Variants in NCAM1 observed in about 807,000 individuals in gnomAD.
NCAM1 encodes the protein antigen recognized by monoclonal antibody 5.1H11.
A neutral mutation model predicts 109.8 loss-of-function variants in NCAM1; 14 were observed. That is an observed-to-expected ratio of 0.13 (90% confidence interval 0.08 to 0.20). The LOEUF is 0.20. Ranked by LOEUF, NCAM1 falls within the 10% of genes least tolerant of loss-of-function variation. The pLI is 1.00. For synonymous variants in NCAM1, 418 were observed against 442.9 expected, an observed-to-expected ratio of 0.94 and a Z score of 0.70; for missense variants, 774 against 1,109.9, an observed-to-expected ratio of 0.70 and a Z score of 4.30.
chr11:113,273,278 G>T lies in NCAM1; in HGVS notation c.2456+1402G>T. 1 of 355,250 alleles carries T rather than the reference G, an allele frequency of 2.8e-6. No homozygotes were observed. The highest frequency in any genetic ancestry group is 5.6e-6 in the Non-Finnish European group (1 of 179,452). 22.0% of individuals were successfully genotyped at this position (355,250 alleles called of 1,614,324 possible). A position where few individuals can be genotyped will look rare whatever the true frequency, so the allele number is the denominator to read the frequency against. ...CTTCTAGTGTCCTGGCTAACCAAGG[G>T]GCTGTCCTCAGCCCAAGCGCCCCTG... is the stretch of plus-strand genomic sequence containing the variant. On this transcript the variant is annotated intron_variant, in intron 19 of 19. Transcript: ENST00000316851. This position sits in a 1 kb window ranked among gnomAD's most constrained non-coding sequence, Gnocchi z 6.0.
Position 113,277,311 on chromosome 11 carries a change from T to C in NCAM1, c.*1924T>C. The stretch of plus-strand genomic sequence containing the variant: ...CAAACTGTGAAGAATAATGGTCTTG[T>C]CATTTGCTCAATGTGGGGTTATGTT... On this transcript the variant is annotated 3_prime_UTR_variant, in exon 20 of 20. Transcript: ENST00000316851. The C allele has an allele frequency of 2.5e-6, 1 of 399,070 alleles. No homozygotes were observed. 24.7% of individuals were successfully genotyped at this position (399,070 alleles called of 1,614,324 possible). A position where few individuals can be genotyped will look rare whatever the true frequency, so the allele number is the denominator to read the frequency against.
At chr11:113,078,146 C>G (rs1938615835) in intron 1 of NCAM1, among the ~76,000 whole-genome samples, 1 of 152,106 alleles carries the variant, frequency 6.6e-6, no homozygotes, top group Admixed American at 6.5e-5. Flanking sequence ...GGACTGTGGT[C>G]CCTCTGAAGG....
intron 1 of NCAM1, among the ~76,000 whole-genome samples, chr11:113,031,807 A>G (rs2135350394): frequency 6.6e-6 from 1 of 152,380 alleles, no homozygotes; most frequent in South Asian, 2.1e-4. Flanking sequence ...CACTCTGCAC[A>G]TGACCAAGGA....
chr11:113,220,600 C>CTTT (rs1336984958), intron 8 of NCAM1, among the ~76,000 whole-genome samples: 2 of 102,376 alleles, frequency 2.0e-5, no homozygotes, highest in Non-Finnish European at 3.6e-5. Flanking sequence ...CTCTCTCTCT[C>CTTT]TCTTTTTTTT....
rs139520032 is a variant in NCAM1, at chr11:113,009,750, T to C, written c.52+48086T>C. Reference sequence around the variant, plus strand: ...AATGAGATCAGGGTCTTACAGATGTTTTGGGATTGTAGAAGATAAAGGGAG... The same window carrying C: ...AATGAGATCAGGGTCTTACAGATGTCTTGGGATTGTAGAAGATAAAGGGAG... On this transcript the variant is annotated intron_variant, in intron 1 of 19. Coordinates refer to ENST00000316851, the MANE Select transcript of NCAM1 (RefSeq NM_181351.5). Among the ~76,000 whole-genome samples, 418 of 152,274 alleles carry C rather than the reference T, an allele frequency of 2.7e-3. 2 individuals are homozygous for C. The highest frequency in any genetic ancestry group is 9.7e-3 in the African/African-American group (402 of 41,546).
intron 1 of NCAM1, among the ~76,000 whole-genome samples, chr11:113,070,379 A>G (rs1555085081): frequency 6.6e-6 from 1 of 152,162 alleles, no homozygotes; most frequent in African/African-American, 2.4e-5. Flanking sequence ...ATGCAGAAAC[A>G]TCATTCCTCC....
At chr11:113,179,174 A>G (rs908084627) in intron 1 of NCAM1, among the ~76,000 whole-genome samples, 1 of 152,204 alleles carries the variant, frequency 6.6e-6, no homozygotes, top group Non-Finnish European at 1.5e-5. Flanking sequence ...CCAGCATGCC[A>G]CTGGGCAGGA....
chr11:113,087,691 C>G (rs1939151707), intron 1 of NCAM1, among the ~76,000 whole-genome samples: 1 of 152,168 alleles, frequency 6.6e-6, no homozygotes, highest in Non-Finnish European at 1.5e-5. Context: ...TCAATTTGTT[C>G]TTCTTGATCA....
At chr11:113,003,977 C>T (rs1044494920) in intron 1 of NCAM1, 4 of 152,128 alleles carry the variant, frequency 2.6e-5, no homozygotes, top group African/African-American at 4.8e-5. Flanking sequence ...ATTTTAAGGA[C>T]GGTTGTCTTC....
At chr11:113,242,923 G>C in intron 14 of NCAM1, 3 of 1,608,754 alleles carry the variant, frequency 1.9e-6, no homozygotes, top group Non-Finnish European at 8.5e-7. Flanking sequence ...TTACAGCGCT[G>C]CCTGTTGTTT....
rs558440771 is a variant in NCAM1, at chr11:112,961,538, C to T, written c.-75C>T. ...GCCCCTAGGTCTGTCGCTCAGCCGCCGTCCACACTCGCTGCAGGGGGGGGG... is the reference window on the plus strand; with the variant it reads ...GCCCCTAGGTCTGTCGCTCAGCCGCTGTCCACACTCGCTGCAGGGGGGGGG... On this transcript the variant is annotated 5_prime_UTR_variant, in exon 1 of 20. Coordinates refer to ENST00000316851, the MANE Select transcript of NCAM1 (RefSeq NM_181351.5). 6.5e-5 allele frequency: 61 copies of T among 945,154 alleles called. No homozygotes were observed. The South Asian group carries it at 7.5e-4, about 12-fold the overall frequency. 58.5% of individuals were successfully genotyped at this position (945,154 alleles called of 1,614,324 possible).
At chr11:113,094,515 G>A (rs1939503670) in intron 1 of NCAM1, among the ~76,000 whole-genome samples, 2 of 152,144 alleles carry the variant, frequency 1.3e-5, no homozygotes, top group Admixed American at 6.5e-5. Context: ...GAAACCTTAA[G>A]GCTTTTCCAT....
chr11:113,154,467 T>A (rs1555103115), intron 1 of NCAM1, among the ~76,000 whole-genome samples: 1 of 152,118 alleles, frequency 6.6e-6, no homozygotes. Flanking sequence ...GAAAAGCCCC[T>A]TTTTCTGAAA....
intron 1 of NCAM1, among the ~76,000 whole-genome samples, chr11:113,042,536 C>T (rs1953115195): frequency 6.6e-6 from 1 of 152,182 alleles, no homozygotes; most frequent in Admixed American, 6.5e-5. Flanking sequence ...ATCTTTCCTC[C>T]TGTCCTCATT....
chr11:113,129,847 C>T (rs1426125506), intron 1 of NCAM1, among the ~76,000 whole-genome samples: 2 of 152,174 alleles, frequency 1.3e-5, no homozygotes, highest in African/African-American at 4.8e-5. Flanking sequence ...CTTTTCAGCC[C>T]ATTGCTAGTT....
At chr11:113,215,624 G>T (rs1555114278) in intron 8 of NCAM1, among the ~76,000 whole-genome samples, 1 of 152,194 alleles carries the variant, frequency 6.6e-6, no homozygotes, top group African/African-American at 2.4e-5. Flanking sequence ...GCATCAAATG[G>T]AACAGAAATT....
intron 2 of NCAM1, among the ~76,000 whole-genome samples, chr11:113,203,794 T>C (rs1277228002): frequency 6.6e-6 from 1 of 152,226 alleles, no homozygotes; most frequent in Non-Finnish European, 1.5e-5. Flanking sequence ...GTGGTTGGAA[T>C]CTGCACTCCT....
chr11:113,275,328 G>C lies in NCAM1; in HGVS notation c.2518G>C (p.Glu840Gln). The change falls in exon 20 of 20, where the codon GAA becomes CAA. Residue 840 changes from glutamate (E) to glutamine (Q), a missense_variant. This residue lies in a region of NCAM1 where 122 missense variants were observed against 129.7 expected (regional missense o/e 0.94). Transcript: ENST00000316851. Reference sequence around the variant, plus strand: ...GACAGAAACGAAGCCAGCGCCAGCCGAAGTCAAGACGGTCCCCAATGACGC... The same window carrying C: ...GACAGAAACGAAGCCAGCGCCAGCCCAAGTCAAGACGGTCCCCAATGACGC... Reference protein sequence around the residue: ...QETETKPAPAEVKTVPNDATQ... With the variant: ...QETETKPAPAQVKTVPNDATQ... 6.2e-7 allele frequency: 1 copy of C among 1,613,646 alleles called. No individual in the cohort carries two copies. Among genetic ancestry groups the C allele is most frequent in the Non-Finnish European group, 8.5e-7 (1 of 1,179,772 alleles).
chr11:112,971,931 A>G (rs1444051476), intron 1 of NCAM1, among the ~76,000 whole-genome samples: 4 of 152,184 alleles, frequency 2.6e-5, no homozygotes, highest in African/African-American at 7.2e-5. Flanking sequence ...TTTAAAGCAG[A>G]TAATTTTGGA....
Sources: gnomAD v4.1 joint callset for allele counts (sites outside exome capture counted in the v4.1 genomes callset) on GRCh38, gnomAD v4.1.1 for gene constraint, gnomAD v4.1.1 regional missense constraint, Gnocchi (gnomAD v3.1) non-coding constraint, MANE v1.5 for transcripts, NCBI Gene and HGNC (gene_info 2026-07-23, HGNC 2026-07-21) for gene names.